Variants in CFD observed in about 807,000 individuals in gnomAD.
CFD encodes the protein C3 convertase activator.
Under a neutral mutation model 21.1 loss-of-function variants are expected in CFD, and 24 were observed. That is an observed-to-expected ratio of 1.14 (90% confidence interval 0.82 to 1.60). The LOEUF is 1.60. Ranked by LOEUF, CFD falls within the 40% of genes most tolerant of loss-of-function variation. The pLI is 0.00. For synonymous variants in CFD, 242 were observed against 175.9 expected, an observed-to-expected ratio of 1.38 and a Z score of -2.97; for missense variants, 535 against 383.3, an observed-to-expected ratio of 1.40 and a Z score of -3.31.
chr19:860,811 C>T (rs1187605353), intron 2 of CFD, 38 bp downstream of exon 2: 11 of 1,555,788 alleles, frequency 7.1e-6, no homozygotes, highest in Non-Finnish European at 9.5e-6. Flanking sequence ...AGCCCGGGTG[C>T]GGTGGGGGGA....
Position 863,072 on chromosome 19 carries a change from G to A in CFD, c.616-20G>A, listed in dbSNP as rs2035831041. On this transcript the variant is annotated intron_variant, in intron 4 of 4. Coordinates refer to ENST00000327726, the MANE Select transcript of CFD (RefSeq NM_001928.4). ...GGGTGGGCGCGGGCCGCCCCTCACG[G>A]CCCCGTCCTGTTCCGGCAGGGTGAC... 1.3e-6 allele frequency: 2 copies of A among 1,511,514 alleles called. No individual in the cohort carries two copies. 93.6% of individuals were successfully genotyped at this position (1,511,514 alleles called of 1,614,324 possible).
In CFD at chr19:863,233, G is replaced by C. The variant is rs1333368366; in HGVS notation, c.757G>C (p.Ala253Pro). The change falls in exon 5 of 5, where the codon GCC becomes CCC. Residue 253 changes from alanine (A) to proline (P), a missense_variant. Ala to Pro is a conservative substitution (Grantham distance 27, BLOSUM62 -1). Transcript: ENST00000327726. The stretch of plus-strand genomic sequence containing the variant: ...TGCGGCCTGGATCGACAGCGTCCTG[G>C]CCTAGGGTGCCGGGGCCTGAAGGTC... ...SYAAWIDSVL[A>P] is the part of the protein sequence containing the mutation. 2 of 1,546,492 alleles carry C rather than the reference G, an allele frequency of 1.3e-6. No homozygotes were observed. The highest frequency in any genetic ancestry group is 2.4e-5 in the East Asian group (1 of 42,460).
Position 863,616 on chromosome 19 carries a change from A to T in CFD, c.*378A>T, listed in dbSNP as rs541559503. ...AACCTTGTCTCTCTCTACAAAAAAA[A>T]AAAAAAAATTCTGCGTGGTGGCTCA... is the stretch of plus-strand genomic sequence containing the variant. On this transcript the variant is annotated 3_prime_UTR_variant, in exon 5 of 5. Transcript: ENST00000327726. 1.7e-3 allele frequency: 358 copies of T among 207,656 alleles called. No homozygotes were observed. The highest frequency in any genetic ancestry group is 2.9e-3 in the Admixed American group (54 of 18,598). 12.9% of individuals were successfully genotyped at this position (207,656 alleles called of 1,614,324 possible).
At chr19:861,579 C>A (rs1365440134) in intron 3 of CFD, 120 bp from the exon 4 acceptor site, 18 of 1,249,014 alleles carry the variant, frequency 1.4e-5, no homozygotes, top group East Asian at 2.6e-5. Flanking sequence ...TCCTGCTGCA[C>A]TGAGACCCAC....
chr19:863,095 G>C lies in CFD; in HGVS notation c.619G>C (p.Asp207His). The C allele has an allele frequency of 6.6e-7, 1 of 1,522,874 alleles. No homozygotes were observed. Among genetic ancestry groups the C allele is most frequent in the Non-Finnish European group, 8.8e-7 (1 of 1,136,652 alleles). The allele number at this position is 1,522,874 out of a possible 1,614,324, so 94.3% of individuals were successfully genotyped here. A position where few individuals can be genotyped will look rare whatever the true frequency, so the allele number is the denominator to read the frequency against. The change falls in exon 5 of 5, where the codon GAC becomes CAC. Residue 207 changes from aspartate (D) to histidine (H), a missense_variant. By Grantham distance (81) the Asp-to-His change is moderately conservative. Transcript: ENST00000327726. ...CGGCCCCGTCCTGTTCCGGCAGGGT[G>C]ACTCCGGGGGCCCGCTGGTGTGCGG... ...ESNRRDSCKG[D>H]SGGPLVCGGV...
At chr19:862,537 G>C (rs891126506) in intron 4 of CFD, among the ~76,000 whole-genome samples, 1 of 150,644 alleles carries the variant, frequency 6.6e-6, no homozygotes, top group Non-Finnish European at 1.5e-5. Flanking sequence ...AGGTGGAAGG[G>C]GCGGGAACCT....
chr19:863,425 T>G lies in CFD; in HGVS notation c.*187T>G. ...GGGCCACGTAGCGCGACTCCATCTCTACAAATAAATAAAAAATTAGCTGGG... is the reference window on the plus strand; with the variant it reads ...GGGCCACGTAGCGCGACTCCATCTCGACAAATAAATAAAAAATTAGCTGGG... On this transcript the variant is annotated 3_prime_UTR_variant, in exon 5 of 5. Transcript: ENST00000327726. 1 of 659,158 alleles carries G rather than the reference T, an allele frequency of 1.5e-6. No individual in the cohort carries two copies. Among genetic ancestry groups the G allele is most frequent in the Non-Finnish European group, 2.6e-6 (1 of 383,294 alleles). 40.8% of individuals were successfully genotyped at this position (659,158 alleles called of 1,614,324 possible).
In CFD at chr19:860,692, A is replaced by G; in HGVS notation, c.131A>G (p.Gln44Arg). ...GCGCGGCCCTACATGGCGTCGGTGC[A>G]GCTGAACGGCGCGCACCTGTGCGGC... Reference protein sequence around the residue: ...AHARPYMASVQLNGAHLCGGV... With the variant: ...AHARPYMASVRLNGAHLCGGV... The change falls in exon 2 of 5, where the codon CAG becomes CGG. Residue 44 changes from glutamine to arginine, a missense_variant. Coordinates refer to ENST00000327726, the MANE Select transcript of CFD (RefSeq NM_001928.4). 2.6e-6 allele frequency: 4 copies of G among 1,549,650 alleles called. No individual in the cohort carries two copies. Among genetic ancestry groups the G allele is most frequent in the Non-Finnish European group, 3.5e-6 (4 of 1,157,544 alleles).
chr19:861,761 C>T lies in CFD; in HGVS notation c.420C>T (p.Arg140=). The change falls in exon 4 of 5, where the codon CGC becomes CGT. Residue 140 remains arginine (R), a synonymous_variant. Coordinates refer to ENST00000327726, the MANE Select transcript of CFD (RefSeq NM_001928.4). ...VRPLPWQRVD[R]DVAPGTLCDV... is the part of the protein sequence containing the mutation. ...CCCTGCCCTGGCAGCGCGTGGACCG[C>T]GACGTGGCACCGGGAACTCTCTGCG... 6.2e-7 allele frequency: 1 copy of T among 1,605,910 alleles called. No homozygotes were observed. Among genetic ancestry groups the T allele is most frequent in the Non-Finnish European group, 8.5e-7 (1 of 1,178,574 alleles).
In CFD at chr19:863,381, A is replaced by G; in HGVS notation, c.*143A>G. On this transcript the variant is annotated 3_prime_UTR_variant, in exon 5 of 5. Coordinates refer to ENST00000327726, the MANE Select transcript of CFD (RefSeq NM_001928.4). ...CGAGGTGGGAGGATCATTGGATCTCAGGAGTTCGAGATCAGCATGGGCCAC... is the reference window on the plus strand; with the variant it reads ...CGAGGTGGGAGGATCATTGGATCTCGGGAGTTCGAGATCAGCATGGGCCAC... 2.0e-6 allele frequency: 2 copies of G among 984,458 alleles called. No individual in the cohort carries two copies. Among genetic ancestry groups the G allele is most frequent in the Non-Finnish European group, 3.1e-6 (2 of 648,898 alleles). The allele number at this position is 984,458 out of a possible 1,614,324, so 61.0% of individuals were successfully genotyped here.
At chr19:860,501 C>A in intron 1 of CFD, 116 bp from the exon 2 acceptor site, 1 of 1,169,204 alleles carries the variant, frequency 8.6e-7, no homozygotes, top group Non-Finnish European at 1.1e-6. Flanking sequence ...CCACCGCGCC[C>A]AGAGATGGGA....
intron 3 of CFD, among the ~76,000 whole-genome samples, chr19:861,326 C>T (rs186616897): frequency 1.1e-3 from 36 of 33,096 alleles, no homozygotes; most frequent in South Asian, 2.9e-3. Flanking sequence ...CCCCCCACCC[C>T]CTGCACCCTC....
At chr19:859,765 G>C (rs1414666131) in intron 1 of CFD, 21 bp downstream of exon 1, 3 of 1,551,980 alleles carry the variant, frequency 1.9e-6, no homozygotes, top group African/African-American at 1.4e-5. Context: ...CTGGGCCTGG[G>C]GTGAGGGACA....
Position 860,726 on chromosome 19 carries a change from G to C in CFD, c.165G>C (p.Leu55=). The change falls in exon 2 of 5, where the codon CTG becomes CTC. Residue 55 remains leucine, a synonymous_variant. Coordinates refer to ENST00000327726, the MANE Select transcript of CFD (RefSeq NM_001928.4). ...GCGCGCACCTGTGCGGCGGCGTCCTGGTGGCGGAGCAGTGGGTGCTGAGCG... is the reference window on the plus strand; with the variant it reads ...GCGCGCACCTGTGCGGCGGCGTCCTCGTGGCGGAGCAGTGGGTGCTGAGCG... The part of the protein sequence containing the change: ...LNGAHLCGGV[L]VAEQWVLSAA... 1.9e-6 allele frequency: 3 copies of C among 1,566,176 alleles called. No individual in the cohort carries two copies. Among genetic ancestry groups the C allele is most frequent in the Non-Finnish European group, 2.6e-6 (3 of 1,165,492 alleles).
chr19:860,827 C>T, intron 2 of CFD, 34 bp from the exon 3 acceptor site: 1 of 1,555,874 alleles, frequency 6.4e-7, no homozygotes, highest in East Asian at 2.4e-5. Flanking sequence ...GGGGAGTCGG[C>T]TGGCACCGAC....
chr19:861,966 C>T lies in CFD; in HGVS notation c.615+10C>T. The T allele has an allele frequency of 6.5e-7, 1 of 1,539,864 alleles. No individual in the cohort carries two copies. The highest frequency in any genetic ancestry group is 8.7e-7 in the Non-Finnish European group (1 of 1,149,564). On this transcript the variant is annotated intron_variant, in intron 4 of 4. Coordinates refer to ENST00000327726, the MANE Select transcript of CFD (RefSeq NM_001928.4). ...CCGGGACAGCTGCAAGGTGAGCCTTCAGGCCTGGGAGGAGACGCGGGGCCT... is the reference window on the plus strand; with the variant it reads ...CCGGGACAGCTGCAAGGTGAGCCTTTAGGCCTGGGAGGAGACGCGGGGCCT...
At position 861,770 on chromosome 19, in the gene CFD, A is replaced by G. The variant is rs8953; in HGVS notation, c.429A>G (p.Ala143=). ...GGCAGCGCGTGGACCGCGACGTGGC[A>G]CCGGGAACTCTCTGCGACGTGGCCG... is the stretch of plus-strand genomic sequence containing the variant. ...LPWQRVDRDV[A]PGTLCDVAGW... The change falls in exon 4 of 5, where the codon GCA becomes GCG. Residue 143 remains alanine, a synonymous_variant. Transcript: ENST00000327726. 6.1e-3 allele frequency: 9,734 copies of G among 1,605,936 alleles called. 469 individuals are homozygous for G. The African/African-American group carries it at 0.1, about 17-fold the overall frequency.
intron 2 of CFD, 33 bp downstream of exon 2, chr19:860,806 G>A: frequency 6.4e-7 from 1 of 1,556,286 alleles, no homozygotes; most frequent in Non-Finnish European, 8.6e-7. Context: ...GGAAGAGCCC[G>A]GGTGCGGTGG....
chr19:862,539 C>T (rs1239176277), intron 4 of CFD, among the ~76,000 whole-genome samples: 2 of 120,776 alleles, frequency 1.7e-5, no homozygotes, highest in East Asian at 2.4e-4. Context: ...GTGGAAGGGG[C>T]GGGAACCTCT....
Sources: gnomAD v4.1 joint callset for allele counts (sites outside exome capture counted in the v4.1 genomes callset) on GRCh38, gnomAD v4.1.1 for gene constraint, MANE v1.5 for transcripts, NCBI Gene and HGNC (gene_info 2026-07-23, HGNC 2026-07-21) for gene names.